MYB: variants seen among roughly 807,000 people sequenced by gnomAD.
MYB encodes transcriptional activator Myb.
Under a neutral mutation model 92.9 loss-of-function variants are expected in MYB, and 28 were observed. That is an observed-to-expected ratio of 0.30 (90% confidence interval 0.22 to 0.41). MYB has a LOEUF of 0.41. MYB is among the 10% of genes least tolerant of loss of function. The pLI, the probability that MYB is intolerant of heterozygous loss-of-function variation, is 1.00. For synonymous variants in MYB, 295 were observed against 329.1 expected (o/e 0.90, Z 1.12); for missense variants, 679 against 929.3 (o/e 0.73, Z 3.50).
rs2230000 is a variant in MYB at position 135,198,969 on chromosome 6, C to A, written c.1628C>A (p.Thr543Asn). 9.2e-4 allele frequency: 1,490 copies of A among 1,611,072 alleles called. 10 individuals carry two copies. The African/African-American group carries it at 0.017, about 19-fold the overall frequency. ...SDLEMPSLTS[T>N]PLIGHKLTVT... ...TTGGAAATGCCTTCTTTAACTTCCA[C>A]CCCCCTCATTGGTCACAAATTGACT... is the stretch of plus-strand genomic sequence containing the variant. The change falls in exon 11 of 16, where the codon ACC (threonine) becomes AAC (asparagine). Residue 543 changes from threonine to asparagine, a missense_variant. Thr to Asn is a moderately conservative substitution (Grantham distance 65). Around this residue, in one of 8 missense-constraint regions of MYB, gnomAD observed 402 missense variants for 434.2 expected, o/e 0.93. Coordinates refer to ENST00000341911, the MANE Select transcript of MYB (RefSeq NM_001130173.2).
At chr6:135,188,776 C>CT (rs1171497292) in intron 3 of MYB, among the ~76,000 whole-genome samples, 1 of 152,136 alleles carries the variant, frequency 6.6e-6, no homozygotes, top group Non-Finnish European at 1.5e-5. Context: ...TCCCGAAGTG[C>CT]TAGGATTGCA....
intron 2 of MYB, among the ~76,000 whole-genome samples, chr6:135,187,216 A>G (rs1431583991): frequency 6.6e-6 from 1 of 152,224 alleles, no homozygotes; most frequent in Non-Finnish European, 1.5e-5. Context: ...AATGTCTTTT[A>G]TGTTCTAACA....
Position 135,190,266 on chromosome 6 carries a change from A to C in MYB, c.446A>C (p.Glu149Ala). Residue 149 changes from glutamate (E) to alanine (A), a missense_variant, in exon 5 of 16, where the codon GAA becomes GCA. This residue lies in a region of MYB where 37 missense variants were observed against 98.0 expected (regional missense o/e 0.38). Coordinates refer to ENST00000341911, the MANE Select transcript of MYB (RefSeq NM_001130173.2). This position sits in a 1 kb window ranked among gnomAD's most constrained non-coding sequence, Gnocchi z 4.5. ...NPEVKKTSWT[E>A]EEDRIIYQAH... The stretch of plus-strand genomic sequence containing the variant: ...GAAGTTAAGAAAACCTCCTGGACAG[A>C]AGAGGAAGACAGAATTATTTACCAG... 1.2e-6 allele frequency: 2 copies of C among 1,614,174 alleles called. No individual in the cohort carries two copies. Among genetic ancestry groups the C allele is most frequent in the Non-Finnish European group, 1.7e-6 (2 of 1,180,012 alleles).
intron 15 of MYB, among the ~76,000 whole-genome samples, chr6:135,214,283 A>AG (rs1457642569): frequency 2.0e-5 from 3 of 152,178 alleles, no homozygotes; most frequent in Non-Finnish European, 4.4e-5. Context: ...TCTAAAAAAA[A>AG]GAAAAATGGA....
intron 10 of MYB, 83 bp downstream of exon 10, chr6:135,197,406 C>T: frequency 8.3e-7 from 1 of 1,210,962 alleles, no homozygotes. Context: ...TACTTCGGAA[C>T]AAATGACTAA....
At chr6:135,206,566 C>T (rs1000519028) in intron 15 of MYB, among the ~76,000 whole-genome samples, 4 of 150,822 alleles carry the variant, frequency 2.7e-5, no homozygotes, top group African/African-American at 4.9e-5. Flanking sequence ...CGTGGTGGTG[C>T]GCACATGTAA....
At chr6:135,199,277 A>G (rs1280100984) in intron 11 of MYB, among the ~76,000 whole-genome samples, 3 of 152,064 alleles carry the variant, frequency 2.0e-5, no homozygotes, top group Non-Finnish European at 2.9e-5. Context: ...ACTTACTCCA[A>G]AATTTCCTAT....
rs1290282206 is a variant in MYB at position 135,218,852 on chromosome 6, T to G, written c.*872T>G. The G allele has an allele frequency of 4.4e-6, 1 of 226,896 alleles. No individual in the cohort carries two copies. The highest frequency in any genetic ancestry group is 8.8e-6 in the Non-Finnish European group (1 of 113,836). The allele number at this position is 226,896 out of a possible 1,614,324, so 14.1% of individuals were successfully genotyped here. Reference sequence around the variant, plus strand: ...TTTATTGTGGTTTTTTTGTTATTGTTGGTTTATACAAGCATGCGTTGCACT... The same window carrying G: ...TTTATTGTGGTTTTTTTGTTATTGTGGGTTTATACAAGCATGCGTTGCACT... On this transcript the variant is annotated 3_prime_UTR_variant, in exon 16 of 16. Transcript: ENST00000341911.
chr6:135,201,558 A>C, intron 13 of MYB, 81 bp from the exon 14 acceptor site: 32 of 799,802 alleles, frequency 4.0e-5, no homozygotes, highest in Non-Finnish European at 5.8e-5. Context: ...TATTTGAGGG[A>C]CTGGCCAGAA....
chr6:135,190,710 G>C lies in MYB; in HGVS notation c.527+363G>C, dbSNP rs1776511633. 6.6e-6 allele frequency among the ~76,000 whole-genome samples: 1 copy of C among 152,202 alleles called. No homozygotes were observed. Among genetic ancestry groups the C allele is most frequent in the South Asian group, 2.1e-4 (1 of 4,832 alleles). On this transcript the variant is annotated intron_variant, in intron 5 of 15. Coordinates refer to ENST00000341911, the MANE Select transcript of MYB (RefSeq NM_001130173.2). This position sits in a 1 kb window ranked among gnomAD's most constrained non-coding sequence, Gnocchi z 4.5. Reference sequence around the variant, plus strand: ...AAGAAACTGAAGACAGTTTGTCTCTGGCAGTTCACGTAGCTGGTTAAGTTA... The same window carrying C: ...AAGAAACTGAAGACAGTTTGTCTCTCGCAGTTCACGTAGCTGGTTAAGTTA...
chr6:135,189,189 G>A (rs1012049826), intron 3 of MYB, among the ~76,000 whole-genome samples: 5 of 152,170 alleles, frequency 3.3e-5, no homozygotes, highest in African/African-American at 1.2e-4. Context: ...CTAAGAAGAT[G>A]CTTCTCTCCT....
At chr6:135,213,792 G>C (rs1393520826) in intron 15 of MYB, among the ~76,000 whole-genome samples, 4 of 152,154 alleles carry the variant, frequency 2.6e-5, no homozygotes, top group Non-Finnish European at 5.9e-5. Flanking sequence ...GCTGAGGTTG[G>C]AGAATCAACT....
At position 135,203,341 on chromosome 6, in the gene MYB, C is replaced by A. The variant is rs753728591; in HGVS notation, c.2169+17C>A. The A allele has an allele frequency of 6.6e-7, 1 of 1,517,876 alleles. No individual in the cohort carries two copies. The highest frequency in any genetic ancestry group is 2.3e-5 in the East Asian group (1 of 44,360). 94.0% of individuals were successfully genotyped at this position (1,517,876 alleles called of 1,614,324 possible). A position where few individuals can be genotyped will look rare whatever the true frequency, so the allele number is the denominator to read the frequency against. On this transcript the variant is annotated intron_variant, in intron 15 of 15. Transcript: ENST00000341911. ...CCCTTGCAGGTAATTACTATTCCAACATTGGTATTTTAAAATTCATTCACT... is the reference window on the plus strand; with the variant it reads ...CCCTTGCAGGTAATTACTATTCCAAAATTGGTATTTTAAAATTCATTCACT...
At chr6:135,189,572 CT>C (rs1776378864) in intron 3 of MYB, among the ~76,000 whole-genome samples, 1 of 152,198 alleles carries the variant, frequency 6.6e-6, no homozygotes, top group Non-Finnish European at 1.5e-5. Context: ...GAATGTTTCC[CT>C]CAGGAGGCAG....
At chr6:135,204,568 G>A (rs1007102084) in intron 15 of MYB, among the ~76,000 whole-genome samples, 1 of 152,216 alleles carries the variant, frequency 6.6e-6, no homozygotes, top group Non-Finnish European at 1.5e-5. Flanking sequence ...CTCCTACAGT[G>A]CTGGGATTAC....
At chr6:135,197,869 C>T (rs1777545927) in intron 10 of MYB, among the ~76,000 whole-genome samples, 2 of 152,180 alleles carry the variant, frequency 1.3e-5, no homozygotes, top group South Asian at 4.1e-4. Context: ...TTTTTAATTT[C>T]AGTTTCTCAA....
chr6:135,188,414 T>G (rs1776198863), intron 3 of MYB, among the ~76,000 whole-genome samples: 2 of 152,284 alleles, frequency 1.3e-5, no homozygotes, highest in Admixed American at 1.3e-4. Context: ...TGCTGAAGGT[T>G]GGGCTCCTGC....
intron 8 of MYB, chr6:135,195,348 C>CGG: frequency 8.4e-6 from 2 of 238,812 alleles, no homozygotes; most frequent in Non-Finnish European, 1.7e-5. Context: ...ACTCTAACTC[C>CGG]TGAGTCCTCT....
At chr6:135,205,178 A>G (rs1231497146) in intron 15 of MYB, among the ~76,000 whole-genome samples, 2 of 152,028 alleles carry the variant, frequency 1.3e-5, no homozygotes, top group Non-Finnish European at 2.9e-5. Flanking sequence ...AAGGGCAGCC[A>G]TTTCAAAATT....
Sources: allele counts gnomAD v4.1 joint callset (sites outside exome capture counted in the v4.1 genomes callset), GRCh38; gene constraint gnomAD v4.1.1; regional missense constraint gnomAD v4.1.1; non-coding constraint Gnocchi (gnomAD v3.1); transcripts MANE v1.5; gene names NCBI Gene and HGNC (gene_info 2026-07-23, HGNC 2026-07-21).